GNG7: variants seen among roughly 807,000 people sequenced by gnomAD.
GNG7 encodes guanine nucleotide-binding protein G(I)/G(S)/G(O) subunit gamma-7.
In GNG7, 1 loss-of-function variant was observed where a neutral mutation model predicts 4.0. That is an observed-to-expected ratio of 0.25 (90% CI 0.09 to 1.18). The LOEUF (loss-of-function observed/expected upper bound fraction) is 1.18. Among genes scored for constraint, GNG7 ranks in the 50% most tolerant of loss-of-function variants. GNG7 has a pLI of 0.50. For synonymous variants in GNG7, 34 were observed against 36.9 expected (o/e 0.92, Z 0.29); for missense variants, 86 against 91.9 (o/e 0.94, Z 0.26).
At chr19:2,680,780 G>A (rs1460297710) in intron 1 of GNG7, among the ~76,000 whole-genome samples, 1 of 151,808 alleles carries the variant, frequency 6.6e-6, no homozygotes, top group Admixed American at 6.6e-5. Context: ...CTCCATGTTG[G>A]TCAGGCTGGT....
intron 2 of GNG7, among the ~76,000 whole-genome samples, chr19:2,623,725 AC>A (rs1445306866): frequency 6.6e-6 from 1 of 152,178 alleles, no homozygotes; most frequent in Non-Finnish European, 1.5e-5. Context: ...TACTAAAAAT[AC>A]AAAAATTAGC....
At chr19:2,572,608 T>C (rs1320124793) in intron 2 of GNG7, among the ~76,000 whole-genome samples, 1 of 150,584 alleles carries the variant, frequency 6.6e-6, no homozygotes, top group Non-Finnish European at 1.5e-5. Flanking sequence ...TTTTTTTTTT[T>C]TTTTTTAAGA....
intron 3 of GNG7, among the ~76,000 whole-genome samples, chr19:2,539,557 G>A (rs1054478357): frequency 2.0e-5 from 3 of 151,926 alleles, no homozygotes; most frequent in Non-Finnish European, 4.4e-5. Context: ...TGCCCGCCTC[G>A]GCCTCCCAAA....
intron 3 of GNG7, among the ~76,000 whole-genome samples, chr19:2,531,939 CAGG>C (rs1978604961): frequency 6.6e-6 from 1 of 151,942 alleles, no homozygotes. Context: ...ATCATGAGGT[CAGG>C]AGATCAAGAC....
chr19:2,559,814 AAGG>A (rs1313878930), intron 2 of GNG7, among the ~76,000 whole-genome samples: 165 of 91,020 alleles, frequency 1.8e-3, no homozygotes, highest in African/African-American at 3.9e-3. Context: ...GCCTGGCTCA[AAGG>A]TGTCTTCTTG....
chr19:2,598,540 C>G (rs1245817047), intron 2 of GNG7, among the ~76,000 whole-genome samples: 1 of 151,710 alleles, frequency 6.6e-6, no homozygotes, highest in South Asian at 2.1e-4. Flanking sequence ...GCCTGTAGTC[C>G]CAGCTACTCG....
Position 2,548,408 on chromosome 19 carries a change from G to A in GNG7, c.-38+6741C>T, listed in dbSNP as rs568439688. On this transcript the variant is annotated intron_variant, in intron 3 of 4. Transcript: ENST00000382159. ...AGGCAGGAGAATGCCGTGAACTCGG[G>A]AGGCGGAGGTTGCAGTGGGTTGAGA... Among the ~76,000 whole-genome samples the A allele has an allele frequency of 2.0e-5, 3 of 150,166 alleles. No individual in the cohort carries two copies. The Admixed American group carries it at 2.0e-4, about 10-fold the overall frequency.
intron 1 of GNG7, among the ~76,000 whole-genome samples, chr19:2,679,838 T>C (rs776362710): frequency 5.9e-5 from 9 of 152,204 alleles, no homozygotes; most frequent in Non-Finnish European, 1.0e-4. Context: ...TACCTGGGCT[T>C]GGCAAGACCT....
intron 2 of GNG7, among the ~76,000 whole-genome samples, chr19:2,588,006 G>A (rs1980728781): frequency 6.6e-6 from 1 of 152,160 alleles, no homozygotes; most frequent in Non-Finnish European, 1.5e-5. Flanking sequence ...ATTCAGTATT[G>A]TTATTGCAAA....
At chr19:2,624,479 C>T (rs376336356) in intron 2 of GNG7, among the ~76,000 whole-genome samples, 6 of 141,594 alleles carry the variant, frequency 4.2e-5, no homozygotes, top group East Asian at 4.1e-4. Flanking sequence ...TGCAGTGAGC[C>T]GAGATTGTGC....
intron 2 of GNG7, among the ~76,000 whole-genome samples, chr19:2,562,600 T>C (rs970768493): frequency 4.0e-5 from 6 of 151,662 alleles, no homozygotes; most frequent in Non-Finnish European, 7.3e-5. Context: ...TCCTGGGCAC[T>C]GCAGGGTGCT....
chr19:2,653,156 C>T lies in GNG7; in HGVS notation c.-134-6876G>A, dbSNP rs1222144087. ...CTGAAAACAAAAACCAGGCCTCACC[C>T]ACAGTGTCGAAGGCATGCATCTTCT... On this transcript the variant is annotated intron_variant, in intron 1 of 4. Coordinates refer to ENST00000382159, the MANE Select transcript of GNG7 (RefSeq NM_052847.3). This position sits in a 1 kb window ranked among gnomAD's most constrained non-coding sequence, Gnocchi z 4.8. Among the ~76,000 whole-genome samples the T allele has an allele frequency of 1.3e-5, 2 of 152,056 alleles. No individual in the cohort carries two copies. Among genetic ancestry groups the T allele is most frequent in the Non-Finnish European group, 2.9e-5 (2 of 68,004 alleles).
intron 3 of GNG7, among the ~76,000 whole-genome samples, chr19:2,530,448 C>T (rs918534953): frequency 7.0e-6 from 1 of 143,298 alleles, no homozygotes; most frequent in Non-Finnish European, 1.5e-5. Context: ...GGGCTGGGTG[C>T]GGTGGCTCAA....
intron 2 of GNG7, among the ~76,000 whole-genome samples, chr19:2,605,694 A>G (rs1314902678): frequency 6.6e-6 from 1 of 150,610 alleles, no homozygotes; most frequent in African/African-American, 2.4e-5. Flanking sequence ...TTGTATTTTT[A>G]GTAGAGACGG....
At chr19:2,594,527 C>T (rs994833866) in intron 2 of GNG7, among the ~76,000 whole-genome samples, 8 of 152,162 alleles carry the variant, frequency 5.3e-5, no homozygotes, top group Non-Finnish European at 8.8e-5. Context: ...CAGGCCAGGA[C>T]GAGGTCTCTC....
intron 2 of GNG7, among the ~76,000 whole-genome samples, chr19:2,568,522 C>T (rs1568247117): frequency 6.6e-6 from 1 of 151,628 alleles, no homozygotes; most frequent in Non-Finnish European, 1.5e-5. Context: ...TGTGCACATA[C>T]ACGTGCACAT....
rs928232612 is a variant in GNG7 at position 2,551,922 on chromosome 19, C to T, written c.-38+3227G>A. Among the ~76,000 whole-genome samples, 4 of 152,036 alleles carry T rather than the reference C, an allele frequency of 2.6e-5. No homozygotes were observed. In the South Asian group the frequency reaches 8.3e-4, roughly 31 times the overall value. ...CTGGTCTCGAGCTTCTGACCTCAGGCGATCCACCCACCTTGACCTCCCAAA... is the reference window on the plus strand; with the variant it reads ...CTGGTCTCGAGCTTCTGACCTCAGGTGATCCACCCACCTTGACCTCCCAAA... On this transcript the variant is annotated intron_variant, in intron 3 of 4. Transcript: ENST00000382159.
intron 2 of GNG7, among the ~76,000 whole-genome samples, chr19:2,599,802 T>C (rs1681874725): frequency 6.6e-6 from 1 of 151,840 alleles, no homozygotes; most frequent in Non-Finnish European, 1.5e-5. Context: ...CCGGGGGTGG[T>C]GGTGCTGGCC....
At chr19:2,673,172 G>A (rs1983502535) in intron 1 of GNG7, among the ~76,000 whole-genome samples, 1 of 151,332 alleles carries the variant, frequency 6.6e-6, no homozygotes, top group Admixed American at 6.6e-5. Flanking sequence ...CAGGAGAATG[G>A]CCGTGAACCC....
Sources: allele counts gnomAD v4.1 joint callset (sites outside exome capture counted in the v4.1 genomes callset), GRCh38; gene constraint gnomAD v4.1.1; non-coding constraint Gnocchi (gnomAD v3.1); transcripts MANE v1.5; gene names NCBI Gene and HGNC (gene_info 2026-07-23, HGNC 2026-07-21).